MCRS1: variants seen among roughly 807,000 people sequenced by gnomAD.
MCRS1 encodes the protein 58 kDa microspherule protein.
In MCRS1, 22 loss-of-function variants were observed where a neutral mutation model predicts 62.9. That is an observed-to-expected ratio of 0.35 (90% confidence interval 0.25 to 0.50). MCRS1 has a LOEUF of 0.50. Among genes scored for constraint, MCRS1 ranks in the 20% least tolerant of loss-of-function variants. The pLI is 0.98. For synonymous variants in MCRS1, 244 were observed against 233.5 expected, an observed-to-expected ratio of 1.04 and a Z score of -0.41; for missense variants, 456 against 601.1, an observed-to-expected ratio of 0.76 and a Z score of 2.52.
At position 49,558,697 on chromosome 12, in the gene MCRS1, G is replaced by C. The variant is rs750979359; in HGVS notation, c.1335C>G (p.Asn445Lys). ...CCCTGATGAGGGCAATGAGGTCCTG[G>C]TTGATAAGGAAGACGAATCGCAGGC... ...IASLRFVFLI[N>K]QDLIALIRAE... Residue 445 changes from asparagine (N) to lysine (K), a missense_variant, in exon 15 of 15, where the codon AAC becomes AAG. Coordinates refer to ENST00000343810, the MANE Select transcript of MCRS1 (RefSeq NM_006337.5). 1 of 1,613,842 alleles carries C rather than the reference G, an allele frequency of 6.2e-7. No individual in the cohort carries two copies. The highest frequency in any genetic ancestry group is 1.3e-5 in the African/African-American group (1 of 74,904).
At chr12:49,566,316 C>T (rs564995638) in intron 2 of MCRS1, 101 bp from the exon 3 acceptor site, 5 of 1,560,066 alleles carry the variant, frequency 3.2e-6, no homozygotes, top group Non-Finnish European at 3.5e-6. Flanking sequence ...CCTCTTGGCC[C>T]CTCCCCTGCC....
chr12:49,562,866 G>T, intron 8 of MCRS1, 135 bp downstream of exon 8: 1 of 1,159,778 alleles, frequency 8.6e-7, no homozygotes, highest in African/African-American at 1.5e-5. Flanking sequence ...TTTTTGCAAT[G>T]TGAGGTGAAC....
Position 49,566,189 on chromosome 12 carries a change from G to C in MCRS1, c.37C>G (p.Leu13Val). The C allele has an allele frequency of 6.2e-7, 1 of 1,613,954 alleles. No homozygotes were observed. Residue 13 changes from leucine (L) to valine (V), a missense_variant, in exon 3 of 15, where the codon CTG becomes GTG. Coordinates refer to ENST00000343810, the MANE Select transcript of MCRS1 (RefSeq NM_006337.5). The part of the protein sequence containing the change: ...KDSQGLLDSS[L>V]MASGTASRSE... Reference sequence around the variant, plus strand: ...CGGCTGGCAGTGCCTGATGCCATCAGGGATGAATCTAGCAGCCCCTGAGAA... The same window carrying C: ...CGGCTGGCAGTGCCTGATGCCATCACGGATGAATCTAGCAGCCCCTGAGAA...
At chr12:49,565,302 C>G (rs969771483) in intron 4 of MCRS1, 1 of 985,172 alleles carries the variant, frequency 1.0e-6, no homozygotes. Context: ...GCCTCCCACA[C>G]GGAATGTGAT....
rs1483585593 is a variant in MCRS1 at position 49,558,497 on chromosome 12, A to G, written c.*146T>C. 7.7e-6 allele frequency: 6 copies of G among 784,250 alleles called. No individual in the cohort carries two copies. Among genetic ancestry groups the G allele is most frequent in the Non-Finnish European group, 1.2e-5 (6 of 499,462 alleles). The allele number at this position is 784,250 out of a possible 1,614,324, so 48.6% of individuals were successfully genotyped here. A position where few individuals can be genotyped will look rare whatever the true frequency, so the allele number is the denominator to read the frequency against. ...TGCTGGCTTCACAAAGGCCAGCCCT[A>G]TCCTCCCTCAAAGGCTCAAATCAAT... is the stretch of plus-strand genomic sequence containing the variant. On this transcript the variant is annotated 3_prime_UTR_variant, in exon 15 of 15. Coordinates refer to ENST00000343810, the MANE Select transcript of MCRS1 (RefSeq NM_006337.5).
At chr12:49,565,843 A>G (rs1251260487) in intron 3 of MCRS1, among the ~76,000 whole-genome samples, 176 bp from the exon 4 acceptor site, 1 of 152,102 alleles carries the variant, frequency 6.6e-6, no homozygotes, top group Non-Finnish European at 1.5e-5. Flanking sequence ...GCCCTCTGAG[A>G]TGACAGGGTA....
At chr12:49,564,981 G>C (rs1789440257) in intron 4 of MCRS1, 86 bp from the exon 5 acceptor site, 4 of 1,473,018 alleles carry the variant, frequency 2.7e-6, no homozygotes, top group Non-Finnish European at 3.6e-6. Flanking sequence ...ATACTCTGTG[G>C]CAGCGGCAGC....
Position 49,566,124 on chromosome 12 carries a change from G to C in MCRS1, c.102C>G (p.Ala34=), listed in dbSNP as rs748676068. The part of the protein sequence containing the change: ...DEESLAGQKR[A]SSQALGTIPK... ...GGATGGTGCCCAAGGCCTGGGAGGA[G>C]GCTCGCTTCTGCCCTGCCAGTGACT... The change falls in exon 3 of 15, where the codon GCC becomes GCG. Residue 34 remains alanine, a synonymous_variant. Coordinates refer to ENST00000343810, the MANE Select transcript of MCRS1 (RefSeq NM_006337.5). 1 of 1,614,232 alleles carries C rather than the reference G, an allele frequency of 6.2e-7. No homozygotes were observed. The highest frequency in any genetic ancestry group is 8.5e-7 in the Non-Finnish European group (1 of 1,180,046).
At position 49,566,775 on chromosome 12, in the gene MCRS1, G is replaced by A. The variant is rs755622210; in HGVS notation, c.-44C>T. 1 of 1,610,768 alleles carries A rather than the reference G, an allele frequency of 6.2e-7. No homozygotes were observed. The highest frequency in any genetic ancestry group is 1.7e-5 in the Admixed American group (1 of 59,734). ...CCACTGGTTCCAAACCACCGGGCTAGGAGGAACGGTCCCACAGGCTCATCC... is the reference window on the plus strand; with the variant it reads ...CCACTGGTTCCAAACCACCGGGCTAAGAGGAACGGTCCCACAGGCTCATCC... On this transcript the variant is annotated 5_prime_UTR_variant, in exon 2 of 15. Coordinates refer to ENST00000343810, the MANE Select transcript of MCRS1 (RefSeq NM_006337.5).
Position 49,563,027 on chromosome 12 carries a change from T to A in MCRS1, c.779A>T (p.Gln260Leu), listed in dbSNP as rs775860710. 4.4e-6 allele frequency: 7 copies of A among 1,595,240 alleles called. No individual in the cohort carries two copies. In the South Asian group the frequency reaches 7.9e-5, roughly 18 times the overall value. Residue 260 changes from glutamine (Q) to leucine (L), a missense_variant, in exon 8 of 15, where the codon CAG (glutamine) becomes CTG (leucine). Gln to Leu is a moderately radical substitution (Grantham distance 113, BLOSUM62 -2). Coordinates refer to ENST00000343810, the MANE Select transcript of MCRS1 (RefSeq NM_006337.5). ...TGTCTGGTCCTCCAGCAGGTAATAC[T>A]GCTTCATGAGCTGCCAGTGGGCCTG... ...ALQAHWQLMK[Q>L]YYLLEDQTVQ...
At position 49,559,223 on chromosome 12, in the gene MCRS1, G is replaced by A. The variant is rs776195951; in HGVS notation, c.1165C>T (p.Arg389Trp). Reference sequence around the variant, plus strand: ...AGGGGGTGGGGGATACCTTGTTTCCGGGATATCTTCCAGGCCGGACCCTCC... The same window carrying A: ...AGGGGGTGGGGGATACCTTGTTTCCAGGATATCTTCCAGGCCGGACCCTCC... ...SLEGPAWKIS[R>W]KQGVIKLKNN... is the part of the protein sequence containing the mutation. Residue 389 changes from arginine (R) to tryptophan (W), a missense_variant, in exon 13 of 15, where the codon CGG (arginine) becomes TGG (tryptophan). Arg to Trp is a moderately radical substitution (Grantham distance 101, BLOSUM62 -3). Transcript: ENST00000343810. This position sits in a 1 kb window ranked among gnomAD's most constrained non-coding sequence, Gnocchi z 5.2. 7 of 1,613,678 alleles carry A rather than the reference G, an allele frequency of 4.3e-6. No individual in the cohort carries two copies. The highest frequency in any genetic ancestry group is 1.7e-5 in the Admixed American group (1 of 59,982).
In MCRS1 at chr12:49,564,536, G is replaced by A. The variant is rs1270941421; in HGVS notation, c.502C>T (p.Leu168Phe). ...TACCAACGCTCCTGGACCTCCCGAA[G>A]GGTGAAGCGGCAGCTGAATTTCACG... Reference protein sequence around the residue: ...LGVKFSCRFTLREVQERWYAL... With the variant: ...LGVKFSCRFTFREVQERWYAL... Residue 168 changes from leucine to phenylalanine, a missense_variant, in exon 6 of 15, where the codon CTT becomes TTT. This residue lies in a region of MCRS1 where 393 missense variants were observed against 523.5 expected (regional missense o/e 0.75). Transcript: ENST00000343810. 3.1e-6 allele frequency: 5 copies of A among 1,613,182 alleles called. No individual in the cohort carries two copies. Among genetic ancestry groups the A allele is most frequent in the South Asian group, 1.1e-5 (1 of 90,854 alleles).
At chr12:49,566,668 T>G in intron 2 of MCRS1, 54 bp downstream of exon 2, 1 of 1,612,548 alleles carries the variant, frequency 6.2e-7, no homozygotes, top group Non-Finnish European at 8.5e-7. Flanking sequence ...CAGAGTGGAA[T>G]CAGCAGATGC....
chr12:49,562,017 GTC>G (rs1172672692), intron 8 of MCRS1, among the ~76,000 whole-genome samples: 5 of 152,200 alleles, frequency 3.3e-5, no homozygotes, highest in Non-Finnish European at 7.4e-5. Context: ...TGATATCTGA[GTC>G]TGAGGAAGAG....
In MCRS1 at chr12:49,563,084, G is replaced by C. The variant is rs1489519619; in HGVS notation, c.722C>G (p.Ala241Gly). 2 of 1,569,914 alleles carry C rather than the reference G, an allele frequency of 1.3e-6. No homozygotes were observed. Residue 241 changes from alanine to glycine, a missense_variant, in exon 8 of 15, where the codon GCC becomes GGC. This residue lies in a region of MCRS1 where 393 missense variants were observed against 523.5 expected (regional missense o/e 0.75). Transcript: ENST00000343810. ...FQDLLHRHPD[A>G]FYLARTAKAL... is the part of the protein sequence containing the mutation. ...CTTCGCGGTACGGGCCAGGTAGAAG[G>C]CATCAGGGTGTCTGTGCAGCAGGTC...
At position 49,558,712 on chromosome 12, in the gene MCRS1, G is replaced by C. The variant is rs745491050; in HGVS notation, c.1320C>G (p.Phe440Leu). 6.2e-7 allele frequency: 1 copy of C among 1,613,936 alleles called. No homozygotes were observed. The highest frequency in any genetic ancestry group is 8.5e-7 in the Non-Finnish European group (1 of 1,180,030). The part of the protein sequence containing the change: ...NSVVEIASLR[F>L]VFLINQDLIA... ...TGAGGTCCTGGTTGATAAGGAAGACGAATCGCAGGCTGGCGATCTGGGTGG... is the reference window on the plus strand; with the variant it reads ...TGAGGTCCTGGTTGATAAGGAAGACCAATCGCAGGCTGGCGATCTGGGTGG... The change falls in exon 15 of 15, where the codon TTC becomes TTG. Residue 440 changes from phenylalanine (F) to leucine (L), a missense_variant. Phe to Leu is a conservative substitution (Grantham distance 22, BLOSUM62 0). Around this residue, in one of 3 missense-constraint regions of MCRS1, gnomAD observed 393 missense variants for 523.5 expected, o/e 0.75. Coordinates refer to ENST00000343810, the MANE Select transcript of MCRS1 (RefSeq NM_006337.5).
intron 1 of MCRS1, among the ~76,000 whole-genome samples, chr12:49,567,203 T>G (rs1398813180): frequency 6.6e-6 from 1 of 151,992 alleles, no homozygotes. Flanking sequence ...AGCTGTCCAC[T>G]CAGCTCAGCA....
chr12:49,560,070 G>C (rs1938679819), intron 9 of MCRS1, 103 bp from the exon 10 acceptor site: 2 of 1,487,122 alleles, frequency 1.3e-6, no homozygotes, highest in Non-Finnish European at 1.9e-6. Flanking sequence ...TGGCCTGGAA[G>C]GTGGTACATC....
intron 8 of MCRS1, among the ~76,000 whole-genome samples, chr12:49,560,876 G>A (rs1243148791): frequency 1.3e-5 from 2 of 152,226 alleles, no homozygotes; most frequent in Non-Finnish European, 2.9e-5. Context: ...CACTGAGAAA[G>A]TACGTGCTGG....
Sources: allele counts gnomAD v4.1 joint callset (sites outside exome capture counted in the v4.1 genomes callset), GRCh38; gene constraint gnomAD v4.1.1; regional missense constraint gnomAD v4.1.1; non-coding constraint Gnocchi (gnomAD v3.1); transcripts MANE v1.5; gene names NCBI Gene and HGNC (gene_info 2026-07-23, HGNC 2026-07-21).